PRH1: variants seen among roughly 807,000 people sequenced by gnomAD.
The protein encoded by PRH1 is proline rich protein HaeIII subfamily 1.
Under a neutral mutation model 7.9 loss-of-function variants are expected in PRH1, and 7 were observed. The observed-to-expected ratio is 0.89, with a 90% confidence interval of 0.50 to 1.67. The LOEUF is 1.67. Among genes scored for constraint, PRH1 ranks in the 40% most tolerant of loss-of-function variants. PRH1 has a pLI of 0.00. For missense variants in PRH1, 109 were observed against 223.6 expected, an observed-to-expected ratio of 0.49 and a Z score of 3.27; for synonymous variants, 45 against 80.8, an observed-to-expected ratio of 0.56 and a Z score of 2.38.
chr12:11,079,057 C>T (rs1298154862), intron 1 of PRH1: 1 of 109,820 alleles, frequency 9.1e-6, no homozygotes, highest in African/African-American at 3.0e-5. Context: ...TAATATTTAT[C>T]AAACATGTTT....
chr12:10,917,220 T>A (rs1031955717), intron 2 of PRH1, among the ~76,000 whole-genome samples: 2 of 152,188 alleles, frequency 1.3e-5, no homozygotes, highest in African/African-American at 4.8e-5. Context: ...ATGAATTCCA[T>A]AGTTAATACC....
At chr12:10,975,971 T>C (rs1449468653) in intron 1 of PRH1, among the ~76,000 whole-genome samples, 3 of 152,114 alleles carry the variant, frequency 2.0e-5, no homozygotes, top group Admixed American at 2.0e-4. Context: ...ACAACACTAG[T>C]GGGAGAATTC....
intron 2 of PRH1, among the ~76,000 whole-genome samples, chr12:10,939,792 G>A (rs1950366171): frequency 6.6e-6 from 1 of 151,862 alleles, no homozygotes; most frequent in African/African-American, 2.4e-5. Context: ...TTGTGAATAT[G>A]GTTAATAATA....
At chr12:11,156,509 T>C (rs1459922088) in intron 1 of PRH1, among the ~76,000 whole-genome samples, 1 of 152,216 alleles carries the variant, frequency 6.6e-6, no homozygotes, top group East Asian at 1.9e-4. Context: ...CTCAATGCTC[T>C]TCCCCTTTAG....
At chr12:11,168,114 A>AGAGTATATATTTAGCTCT (rs1280607269) in intron 1 of PRH1, among the ~76,000 whole-genome samples, 1 of 151,472 alleles carries the variant, frequency 6.6e-6, no homozygotes, top group Non-Finnish European at 1.5e-5. Context: ...TATGGAAATA[A>AGAGTATATATTTAGCTCT]GAGTATATAT....
chr12:11,069,789 A>C (rs796557720), intron 1 of PRH1, among the ~76,000 whole-genome samples: 1 of 14,910 alleles, frequency 6.7e-5, no homozygotes, highest in Non-Finnish European at 5.7e-4. Context: ...GTGGAAAATC[A>C]AGAAACCTCA....
At chr12:10,977,357 A>T (rs1939154595) in intron 1 of PRH1, among the ~76,000 whole-genome samples, 1 of 152,200 alleles carries the variant, frequency 6.6e-6, no homozygotes, top group African/African-American at 2.4e-5. Flanking sequence ...CTTTCAATAA[A>T]TTCAACATCT....
intron 1 of PRH1, among the ~76,000 whole-genome samples, chr12:11,089,005 A>G (rs1180515490): frequency 1.7e-5 from 2 of 115,980 alleles, no homozygotes; most frequent in Admixed American, 1.7e-4. Flanking sequence ...AAGTCCCTAT[A>G]AGCACAAAAC....
At chr12:11,065,750 A>G (rs1320301939) in intron 1 of PRH1, among the ~76,000 whole-genome samples, 1 of 152,330 alleles carries the variant, frequency 6.6e-6, no homozygotes, top group East Asian at 1.9e-4. Flanking sequence ...CTGACATGAA[A>G]ATTGTAGTGA....
At chr12:11,017,734 C>A (rs1443381628) in intron 1 of PRH1, among the ~76,000 whole-genome samples, 1 of 152,072 alleles carries the variant, frequency 6.6e-6, no homozygotes, top group Non-Finnish European at 1.5e-5. Context: ...CTCCAGTGAT[C>A]TGCCTGCGTT....
At chr12:10,989,448 T>C (rs762335363) in intron 1 of PRH1, among the ~76,000 whole-genome samples, 1 of 152,212 alleles carries the variant, frequency 6.6e-6, no homozygotes, top group African/African-American at 2.4e-5. Flanking sequence ...TTCCTTTGGA[T>C]ATATACATAG....
intron 1 of PRH1, among the ~76,000 whole-genome samples, chr12:11,024,073 A>T (rs1158946071): frequency 2.0e-5 from 3 of 152,258 alleles, no homozygotes; most frequent in Non-Finnish European, 4.4e-5. Flanking sequence ...GGCAGGTAAC[A>T]TCATGTCAAG....
intron 1 of PRH1, among the ~76,000 whole-genome samples, chr12:11,140,809 A>G (rs34708147): frequency 0.29 from 43,977 of 152,044 alleles, 8,238 homozygotes; most frequent in East Asian, 0.74. Flanking sequence ...AACCCAATAC[A>G]TATATGACAC....
chr12:11,090,005 T>A lies in PRH1; in HGVS notation n.124-42817A>T, dbSNP rs1413734837. 3.4e-5 allele frequency among the ~76,000 whole-genome samples: 4 copies of A among 117,368 alleles called. 1 individual carries two copies. The highest frequency in any genetic ancestry group is 8.1e-5 in the Non-Finnish European group (4 of 49,474). 77.0% of individuals were successfully genotyped at this position (117,368 alleles called of 152,430 possible). A position where few individuals can be genotyped will look rare whatever the true frequency, so the allele number is the denominator to read the frequency against. On this transcript the variant is annotated intron_variant and non_coding_transcript_variant, in intron 1 of 4. Transcript: ENST00000541977. ...ATTCATGCAACTGCAGATTTTGTGATGAGTTTCCTTTTCATTGGTTTACCA... is the reference window on the plus strand; with the variant it reads ...ATTCATGCAACTGCAGATTTTGTGAAGAGTTTCCTTTTCATTGGTTTACCA...
chr12:11,144,558 G>T (rs1225177363), intron 1 of PRH1, among the ~76,000 whole-genome samples: 2 of 152,174 alleles, frequency 1.3e-5, no homozygotes, highest in Non-Finnish European at 2.9e-5. Flanking sequence ...TTCTTCCCCA[G>T]CCTGTGACGT....
chr12:10,968,538 TTCTC>T (rs1426998470), intron 2 of PRH1, among the ~76,000 whole-genome samples: 1 of 152,244 alleles, frequency 6.6e-6, no homozygotes, highest in Non-Finnish European at 1.5e-5. Context: ...CAATTATTCT[TTCTC>T]CTGGCTTTAT....
intron 1 of PRH1, among the ~76,000 whole-genome samples, chr12:11,170,068 G>A (rs1239551062): frequency 3.3e-5 from 5 of 152,202 alleles, no homozygotes; most frequent in Non-Finnish European, 5.9e-5. Flanking sequence ...TAACCTTAAG[G>A]TCATGATCAG....
intron 2 of PRH1, among the ~76,000 whole-genome samples, chr12:10,947,116 T>A (rs1331415085): frequency 6.6e-6 from 1 of 152,176 alleles, no homozygotes; most frequent in Non-Finnish European, 1.5e-5. Context: ...TATTTGGGGA[T>A]GGACACTTCT....
intron 1 of PRH1, among the ~76,000 whole-genome samples, chr12:11,028,252 GA>G (rs1942014667): frequency 6.6e-6 from 1 of 152,222 alleles, no homozygotes; most frequent in South Asian, 2.1e-4. Context: ...ATAGGAAATA[GA>G]AGACTAATGA....
Sources: gnomAD v4.1 joint callset for allele counts (sites outside exome capture counted in the v4.1 genomes callset) on GRCh38, gnomAD v4.1.1 for gene constraint, MANE v1.5 for transcripts, NCBI Gene and HGNC (gene_info 2026-07-23, HGNC 2026-07-21) for gene names.